Variants in TRPC6 observed in about 807,000 individuals in gnomAD.
TRPC6 encodes transient receptor potential cation channel subfamily C member 6, also known as short transient receptor potential channel 6.
In TRPC6, 55 loss-of-function variants were observed where a neutral mutation model predicts 90.7. The ratio of observed to expected loss-of-function variants is 0.61; its 90% CI spans 0.49 to 0.76. The LOEUF (loss-of-function observed/expected upper bound fraction) is 0.76, where lower values mean the gene tolerates loss of function less well. TRPC6 is among the 30% of genes least tolerant of loss of function. The probability of loss-of-function intolerance (pLI) is 0.00; values close to 1 mark genes in which losing one functional copy is unlikely to be tolerated. For missense variants in TRPC6, 989 were observed against 1,122.7 expected (o/e 0.88, Z 1.70); for synonymous variants, 393 against 393.0 (o/e 1.00, Z 0.00).
chr11:101,466,139 C>G (rs1006999504), intron 10 of TRPC6, among the ~76,000 whole-genome samples: 2 of 152,148 alleles, frequency 1.3e-5, no homozygotes, highest in African/African-American at 4.8e-5. Flanking sequence ...GTTCTTTCCT[C>G]TTGAATCTTC....
chr11:101,510,376 T>C (rs1379766127), intron 1 of TRPC6, among the ~76,000 whole-genome samples: 1 of 152,128 alleles, frequency 6.6e-6, no homozygotes, highest in Non-Finnish European at 1.5e-5. Flanking sequence ...AATCATCTGT[T>C]AAAAAGAGGA....
chr11:101,549,040 C>G (rs1861393338), intron 1 of TRPC6, among the ~76,000 whole-genome samples: 1 of 151,492 alleles, frequency 6.6e-6, no homozygotes, highest in African/African-American at 2.4e-5. Flanking sequence ...GTTTCATGTT[C>G]AAATATCACT....
Position 101,451,735 on chromosome 11 carries a change from T to TTCA in TRPC6, c.*1217_*1219dup, listed in dbSNP as rs1228716702. ...AGCTAAACAGATTTTCTGCAACCATTTCATCTTTAAGATGAAGTTAAAGAT... is the reference window on the plus strand; with the variant it reads ...AGCTAAACAGATTTTCTGCAACCATTTCATCATCTTTAAGATGAAGTTAAAGAT... On this transcript the variant is annotated 3_prime_UTR_variant, in exon 13 of 13. Coordinates refer to ENST00000344327, the MANE Select transcript of TRPC6 (RefSeq NM_004621.6). 2 of 152,226 alleles carry TTCA rather than the reference T, an allele frequency of 1.3e-5. No homozygotes were observed. Among genetic ancestry groups the TTCA allele is most frequent in the African/African-American group, 4.8e-5 (2 of 41,454 alleles). 9.4% of individuals were successfully genotyped at this position (152,226 alleles called of 1,614,324 possible).
At chr11:101,565,944 T>G (rs1200460021) in intron 1 of TRPC6, among the ~76,000 whole-genome samples, 4 of 152,176 alleles carry the variant, frequency 2.6e-5, no homozygotes, top group African/African-American at 4.8e-5. Context: ...GTGTACATGT[T>G]TAGACAAGGA....
At chr11:101,561,568 A>G (rs1302988827) in intron 1 of TRPC6, among the ~76,000 whole-genome samples, 1 of 152,040 alleles carries the variant, frequency 6.6e-6, no homozygotes, top group East Asian at 1.9e-4. Flanking sequence ...CTCCCTTACT[A>G]TATAGAGGAT....
At chr11:101,487,015 G>T (rs558286413) in intron 4 of TRPC6, among the ~76,000 whole-genome samples, 1 of 152,096 alleles carries the variant, frequency 6.6e-6, no homozygotes, top group Non-Finnish European at 1.5e-5. Context: ...ATGGAAAACA[G>T]ATGCCAGAAA....
In TRPC6 at chr11:101,488,840, C is replaced by T. The variant is rs1859736191; in HGVS notation, c.1293+97G>A. ...AACAATAAAGATTACTGAAACCCAA[C>T]TGTGATTCCCTGAAATTTTCACTTT... is the stretch of plus-strand genomic sequence containing the variant. On this transcript the variant is annotated intron_variant, in intron 4 of 12. Coordinates refer to ENST00000344327, the MANE Select transcript of TRPC6 (RefSeq NM_004621.6). 3 of 1,379,250 alleles carry T rather than the reference C, an allele frequency of 2.2e-6. No individual in the cohort carries two copies. The African/African-American group carries it at 4.3e-5, about 20-fold the overall frequency. The allele number at this position is 1,379,250 out of a possible 1,614,324, so 85.4% of individuals were successfully genotyped here. A position where few individuals can be genotyped will look rare whatever the true frequency, so the allele number is the denominator to read the frequency against.
chr11:101,557,162 C>T (rs915159390), intron 1 of TRPC6, among the ~76,000 whole-genome samples: 1 of 151,964 alleles, frequency 6.6e-6, no homozygotes, highest in Non-Finnish European at 1.5e-5. Flanking sequence ...TGAGACAAGC[C>T]TGGTCAACGT....
intron 7 of TRPC6, 40 bp from the exon 8 acceptor site, chr11:101,472,372 T>C: frequency 6.4e-7 from 1 of 1,558,094 alleles, no homozygotes. Flanking sequence ...TAAGAAAGTG[T>C]ATAAATAAAT....
intron 1 of TRPC6, among the ~76,000 whole-genome samples, chr11:101,535,511 G>A (rs1371950675): frequency 6.6e-6 from 1 of 151,762 alleles, no homozygotes; most frequent in Non-Finnish European, 1.5e-5. Flanking sequence ...GAGGACTATA[G>A]GGTCATTATT....
chr11:101,456,524 C>CCAT (rs750489819), intron 10 of TRPC6, among the ~76,000 whole-genome samples: 1 of 152,164 alleles, frequency 6.6e-6, no homozygotes, highest in South Asian at 2.1e-4. Flanking sequence ...GATTTATTTA[C>CCAT]CATCTATTCA....
At chr11:101,571,527 T>G (rs1327422686) in intron 1 of TRPC6, among the ~76,000 whole-genome samples, 2 of 152,154 alleles carry the variant, frequency 1.3e-5, no homozygotes, top group Non-Finnish European at 2.9e-5. Flanking sequence ...TAATTTAAAC[T>G]TCATATGGAA....
intron 10 of TRPC6, among the ~76,000 whole-genome samples, chr11:101,466,812 A>G (rs567929662): frequency 3.9e-5 from 6 of 152,340 alleles, no homozygotes; most frequent in Middle Eastern, 3.4e-3. Context: ...CTGCCCAAAC[A>G]GCCGCCCAGT....
chr11:101,573,921 C>CGTGTGTGTGTGTGT (rs58766729), intron 1 of TRPC6, among the ~76,000 whole-genome samples: 1,855 of 131,928 alleles, frequency 0.014, 30 homozygotes, highest in Middle Eastern at 0.02. Context: ...GAAACAAATA[C>CGTGTGTGTGTGTGT]GTGTGTGTGT....
chr11:101,467,561 G>GGCATGCATTA (rs1171743358), intron 10 of TRPC6, among the ~76,000 whole-genome samples: 1 of 152,142 alleles, frequency 6.6e-6, no homozygotes, highest in Non-Finnish European at 1.5e-5. Flanking sequence ...AACACACACA[G>GGCATGCATTA]GCATGCATTA....
chr11:101,514,216 A>G (rs1333525818), intron 1 of TRPC6, among the ~76,000 whole-genome samples: 2 of 152,214 alleles, frequency 1.3e-5, no homozygotes. Flanking sequence ...CAGCTTCAAC[A>G]TGTTCTAGGC....
chr11:101,543,841 A>G (rs558562853), intron 1 of TRPC6, among the ~76,000 whole-genome samples: 53 of 152,334 alleles, frequency 3.5e-4, no homozygotes, highest in African/African-American at 1.2e-3. Flanking sequence ...CTTCATGACT[A>G]AAACACCAAA....
At chr11:101,565,347 T>C (rs562308035) in intron 1 of TRPC6, among the ~76,000 whole-genome samples, 260 of 152,170 alleles carry the variant, frequency 1.7e-3, no homozygotes, top group Non-Finnish European at 2.4e-3. Flanking sequence ...AAAATGTTCA[T>C]CCTTTGGGGA....
chr11:101,463,109 G>A (rs1252672024), intron 10 of TRPC6, among the ~76,000 whole-genome samples: 2 of 152,114 alleles, frequency 1.3e-5, no homozygotes, highest in African/African-American at 4.8e-5. Flanking sequence ...GATGGATTAC[G>A]TTTATCGATT....
Sources: gnomAD v4.1 joint callset for allele counts (sites outside exome capture counted in the v4.1 genomes callset) on GRCh38, gnomAD v4.1.1 for gene constraint, MANE v1.5 for transcripts, NCBI Gene and HGNC (gene_info 2026-07-23, HGNC 2026-07-21) for gene names.